Variants in TPRG1 observed in about 807,000 individuals in gnomAD.
The protein encoded by TPRG1 is tumor protein p63 regulated 1.
TPRG1 carries 29 observed loss-of-function variants against 29.3 expected under a neutral mutation model. The observed-to-expected ratio is 0.99, with a 90% CI of 0.74 to 1.35. The LOEUF (loss-of-function observed/expected upper bound fraction) is 1.35, where lower values mean the gene tolerates loss of function less well. Among genes scored for constraint, TPRG1 ranks in the 40% most tolerant of loss-of-function variants. The pLI is 0.00. For synonymous variants in TPRG1, 130 were observed against 116.8 expected (o/e 1.11, Z -0.73); for missense variants, 327 against 335.0 (o/e 0.98, Z 0.19).
At chr3:189,086,397 C>A (rs1162905551) in intron 4 of TPRG1, among the ~76,000 whole-genome samples, 1 of 151,632 alleles carries the variant, frequency 6.6e-6, no homozygotes, top group Non-Finnish European at 1.5e-5. Context: ...CTTTCCCAGG[C>A]TCCCAGGCTG....
intron 5 of TPRG1, chr3:189,151,079 T>A (rs1019192688): frequency 6.6e-6 from 1 of 152,236 alleles, no homozygotes; most frequent in Non-Finnish European, 1.5e-5. Context: ...CATCTTTGGA[T>A]AAGTGATTAA....
intron 4 of TPRG1, among the ~76,000 whole-genome samples, chr3:189,065,350 C>T (rs999331147): frequency 1.3e-5 from 2 of 151,908 alleles, no homozygotes; most frequent in South Asian, 2.1e-4. Flanking sequence ...ATACCAATAC[C>T]AAACAAAGAC....
upstream of TPRG1, among the ~76,000 whole-genome samples, chr3:189,099,412 G>A (rs1349191009): frequency 6.6e-6 from 1 of 151,884 alleles, no homozygotes; most frequent in Non-Finnish European, 1.5e-5. Context: ...GGTGGGAAGG[G>A]GGGCAGGCAG....
chr3:189,128,168 G>C (rs1021546296), intron 2 of TPRG1, among the ~76,000 whole-genome samples: 3 of 152,170 alleles, frequency 2.0e-5, no homozygotes, highest in Non-Finnish European at 4.4e-5. Flanking sequence ...GAAAATTCCT[G>C]TTTGTCGTGT....
chr3:189,077,142 A>G (rs1483493115), intron 4 of TPRG1, among the ~76,000 whole-genome samples: 1 of 152,136 alleles, frequency 6.6e-6, no homozygotes, highest in East Asian at 1.9e-4. Context: ...AAGTTCAGCA[A>G]TTATGTACTC....
chr3:189,234,470 A>ATACC (rs1739137071), intron 3 of TPRG1, among the ~76,000 whole-genome samples: 1 of 152,222 alleles, frequency 6.6e-6, no homozygotes, highest in South Asian at 2.1e-4. Context: ...AATCGGAAGG[A>ATACC]TACCGCAGGT....
chr3:189,213,662 G>A (rs1443385516), intron 2 of TPRG1, among the ~76,000 whole-genome samples: 1 of 152,102 alleles, frequency 6.6e-6, no homozygotes, highest in Non-Finnish European at 1.5e-5. Context: ...ACTACCCATA[G>A]GGAACCAATG....
intron 4 of TPRG1, among the ~76,000 whole-genome samples, chr3:189,030,723 C>T (rs908266277): frequency 3.3e-5 from 5 of 152,024 alleles, no homozygotes; most frequent in East Asian, 3.9e-4. Context: ...CTGTTCTGTA[C>T]GTATGAGGAA....
At chr3:189,208,960 G>C (rs376746637) in intron 2 of TPRG1, among the ~76,000 whole-genome samples, 2 of 152,212 alleles carry the variant, frequency 1.3e-5, no homozygotes, top group Non-Finnish European at 2.9e-5. Flanking sequence ...AGGCCAATCA[G>C]TTGGCAGTTG....
chr3:189,110,171 T>G (rs1326646885), intron 1 of TPRG1, among the ~76,000 whole-genome samples: 1 of 152,198 alleles, frequency 6.6e-6, no homozygotes, highest in Non-Finnish European at 1.5e-5. Flanking sequence ...ATGTTTAACT[T>G]GGTAAGATTC....
chr3:189,154,901 T>C (rs1726459462), intron 5 of TPRG1, among the ~76,000 whole-genome samples: 1 of 152,196 alleles, frequency 6.6e-6, no homozygotes, highest in Admixed American at 6.5e-5. Flanking sequence ...GGCTATATTA[T>C]GGAGATGTTT....
chr3:189,110,517 T>C (rs1720381201), intron 1 of TPRG1, among the ~76,000 whole-genome samples: 1 of 152,150 alleles, frequency 6.6e-6, no homozygotes, highest in Non-Finnish European at 1.5e-5. Flanking sequence ...CTGGTATCTT[T>C]TGAAGAGCAA....
At chr3:189,159,572 A>G (rs1727176070) in intron 5 of TPRG1, among the ~76,000 whole-genome samples, 1 of 152,112 alleles carries the variant, frequency 6.6e-6, no homozygotes, top group African/African-American at 2.4e-5. Context: ...ACGCAGCAAT[A>G]TTTGCTCGTG....
At chr3:189,205,665 G>A (rs1372942295) in intron 1 of TPRG1, among the ~76,000 whole-genome samples, 1 of 152,080 alleles carries the variant, frequency 6.6e-6, no homozygotes, top group African/African-American at 2.4e-5. Context: ...TACTTTCATG[G>A]TGAAAATGGA....
intron 4 of TPRG1, among the ~76,000 whole-genome samples, chr3:189,029,431 C>T (rs904243596): frequency 6.6e-6 from 1 of 152,134 alleles, no homozygotes; most frequent in African/African-American, 2.4e-5. Context: ...ATAATTAATG[C>T]CAACCTGTCT....
intron 4 of TPRG1, among the ~76,000 whole-genome samples, chr3:189,247,415 T>G (rs141299905): frequency 6.6e-6 from 1 of 152,184 alleles, no homozygotes; most frequent in African/African-American, 2.4e-5. Flanking sequence ...GCTTTAAAGT[T>G]CTTTCTGATA....
At chr3:189,073,468 T>A (rs1167554204) in intron 4 of TPRG1, among the ~76,000 whole-genome samples, 1 of 152,236 alleles carries the variant, frequency 6.6e-6, no homozygotes, top group African/African-American at 2.4e-5. Context: ...GGTATATAGA[T>A]AAAGTAGAGA....
intron 3 of TPRG1, among the ~76,000 whole-genome samples, chr3:189,137,142 G>A (rs1414552962): frequency 2.0e-5 from 3 of 152,142 alleles, no homozygotes; most frequent in South Asian, 2.1e-4. Context: ...ATTTTGCCAC[G>A]CCTGCTTTGC....
At chr3:189,100,328 A>G (rs1284041374) in intron 1 of TPRG1, 1 of 152,204 alleles carries the variant, frequency 6.6e-6, no homozygotes, top group Admixed American at 6.5e-5. Flanking sequence ...GGAGACAGAA[A>G]GGGTATATCT....
Sources: gnomAD v4.1 joint callset for allele counts (sites outside exome capture counted in the v4.1 genomes callset) on GRCh38, gnomAD v4.1.1 for gene constraint, MANE v1.5 for transcripts, NCBI Gene and HGNC (gene_info 2026-07-23, HGNC 2026-07-21) for gene names.